Variants in HTR7 observed in about 807,000 individuals in gnomAD.
The protein encoded by HTR7 is 5-hydroxytryptamine receptor 7, also known as 5-HT-7.
In HTR7, 16 loss-of-function variants were observed where a neutral mutation model predicts 34.0. That is an observed-to-expected ratio of 0.47 (90% CI 0.32 to 0.71). The LOEUF is 0.71. Among genes scored for constraint, HTR7 ranks in the 30% least tolerant of loss-of-function variants. The pLI, the probability that HTR7 is intolerant of heterozygous loss-of-function variation, is 0.04. For missense variants in HTR7, 504 were observed against 625.5 expected, an observed-to-expected ratio of 0.81 and a Z score of 2.07; for synonymous variants, 265 against 260.2, an observed-to-expected ratio of 1.02 and a Z score of -0.18.
At chr10:90,845,228 A>AGG (rs1480426164) in intron 1 of HTR7, among the ~76,000 whole-genome samples, 10 of 152,326 alleles carry the variant, frequency 6.6e-5, no homozygotes, top group African/African-American at 2.4e-4. Flanking sequence ...CGGAAGTAAG[A>AGG]GCACTATTTC....
At chr10:90,836,675 A>ATT (rs796292567) in intron 1 of HTR7, among the ~76,000 whole-genome samples, 1 of 142,944 alleles carries the variant, frequency 7.0e-6, no homozygotes, top group Non-Finnish European at 1.5e-5. Context: ...CCACACCAGA[A>ATT]TTTTTTTTTT....
chr10:90,845,685 T>A (rs1300173303), intron 1 of HTR7, among the ~76,000 whole-genome samples: 3 of 152,202 alleles, frequency 2.0e-5, no homozygotes, highest in Non-Finnish European at 2.9e-5. Flanking sequence ...CCAGTGACAC[T>A]CTCACAATGA....
chr10:90,784,041 C>T (rs1845346602), intron 1 of HTR7, among the ~76,000 whole-genome samples: 1 of 152,202 alleles, frequency 6.6e-6, no homozygotes, highest in African/African-American at 2.4e-5. Context: ...TACATTCTTA[C>T]TAAAACAAGT....
rs187994384 is a variant in HTR7 at position 90,758,209 on chromosome 10, G to C, written c.540-8615C>G. ...AAAATACAAAAATTAGCTGGGCGTGGTGGCGCTGGCCTGTAGTCCCAGCTA... is the reference window on the plus strand; with the variant it reads ...AAAATACAAAAATTAGCTGGGCGTGCTGGCGCTGGCCTGTAGTCCCAGCTA... On this transcript the variant is annotated intron_variant, in intron 1 of 3. Transcript: ENST00000336152. 1.5e-4 allele frequency among the ~76,000 whole-genome samples: 23 copies of C among 152,028 alleles called. 1 individual carries two copies. In the East Asian group the frequency reaches 4.4e-3, roughly 29 times the overall value.
chr10:90,826,408 A>G (rs1453481037), intron 1 of HTR7, among the ~76,000 whole-genome samples: 3 of 152,246 alleles, frequency 2.0e-5, no homozygotes, highest in Non-Finnish European at 4.4e-5. Flanking sequence ...ATCTGAAGGT[A>G]TAAAACTCAC....
intron 1 of HTR7, among the ~76,000 whole-genome samples, chr10:90,827,669 G>T (rs1290860089): frequency 1.3e-5 from 2 of 152,174 alleles, no homozygotes; most frequent in African/African-American, 4.8e-5. Context: ...GGTCAATTCT[G>T]CAAGAGGATA....
intron 1 of HTR7, among the ~76,000 whole-genome samples, chr10:90,852,240 G>A (rs557767772): frequency 1.2e-4 from 17 of 147,138 alleles, no homozygotes; most frequent in African/African-American, 4.4e-4. Flanking sequence ...AAATAATAAT[G>A]CTAATAGGCA....
At chr10:90,794,779 G>A (rs1010208122) in intron 1 of HTR7, among the ~76,000 whole-genome samples, 3 of 152,072 alleles carry the variant, frequency 2.0e-5, no homozygotes, top group Non-Finnish European at 4.4e-5. Context: ...CTGAGAACAG[G>A]CATGAACCAC....
At chr10:90,806,111 T>C (rs767583533) in intron 1 of HTR7, among the ~76,000 whole-genome samples, 63 of 152,246 alleles carry the variant, frequency 4.1e-4, no homozygotes, top group Non-Finnish European at 7.4e-4. Flanking sequence ...ATAAATAACA[T>C]GAGGATGTGG....
rs78624226 is a variant in HTR7, at chr10:90,749,771, C to T, written c.540-177G>A. Among the ~76,000 whole-genome samples the T allele has an allele frequency of 0.035, 5,275 of 152,240 alleles. 270 individuals carry two copies. Among genetic ancestry groups the T allele is most frequent in the African/African-American group, 0.11 (4,591 of 41,506 alleles). ...CTCTGAGATGTTACCTATTTTATTCCGGGTCACACAGAGGCATTGCCAGAT... is the reference window on the plus strand; with the variant it reads ...CTCTGAGATGTTACCTATTTTATTCTGGGTCACACAGAGGCATTGCCAGAT... On this transcript the variant is annotated intron_variant, in intron 1 of 3. Coordinates refer to ENST00000336152, the MANE Select transcript of HTR7 (RefSeq NM_019859.4). This position sits in a 1 kb window ranked among gnomAD's most constrained non-coding sequence, Gnocchi z 4.2.
At chr10:90,780,071 C>G (rs1365604393) in intron 1 of HTR7, among the ~76,000 whole-genome samples, 1 of 152,138 alleles carries the variant, frequency 6.6e-6, no homozygotes, top group Non-Finnish European at 1.5e-5. Flanking sequence ...ATAAGTGTAT[C>G]ACTTGTCCTT....
intron 1 of HTR7, among the ~76,000 whole-genome samples, chr10:90,845,671 T>C (rs543289518): frequency 5.9e-5 from 9 of 152,346 alleles, no homozygotes; most frequent in African/African-American, 2.2e-4. Flanking sequence ...CAAAGAAGCA[T>C]GACCCAGTGA....
chr10:90,847,194 A>C (rs1014527605), intron 1 of HTR7, among the ~76,000 whole-genome samples: 5 of 152,092 alleles, frequency 3.3e-5, no homozygotes, highest in Non-Finnish European at 7.4e-5. Flanking sequence ...TCCTACATCA[A>C]GTGGGGATAC....
At chr10:90,820,335 G>GA (rs560066354) in intron 1 of HTR7, among the ~76,000 whole-genome samples, 96 of 152,292 alleles carry the variant, frequency 6.3e-4, no homozygotes, top group Non-Finnish European at 8.8e-5. Flanking sequence ...GTAGGGACGA[G>GA]AAAGAAGAAT....
chr10:90,790,897 G>A (rs895574472), intron 1 of HTR7, among the ~76,000 whole-genome samples: 8 of 152,120 alleles, frequency 5.3e-5, no homozygotes, highest in African/African-American at 1.9e-4. Flanking sequence ...TTAGACTGAT[G>A]TGACTACAAC....
At chr10:90,767,804 T>C (rs1396216236) in intron 1 of HTR7, among the ~76,000 whole-genome samples, 1 of 152,100 alleles carries the variant, frequency 6.6e-6, no homozygotes, top group African/African-American at 2.4e-5. Flanking sequence ...CTAGGCTTCC[T>C]CAGAGCACGA....
At chr10:90,839,567 G>T (rs1358942572) in intron 1 of HTR7, among the ~76,000 whole-genome samples, 2 of 152,196 alleles carry the variant, frequency 1.3e-5, no homozygotes, top group East Asian at 3.8e-4. Flanking sequence ...CAGAGGCCAT[G>T]ATGAAAGTGA....
At chr10:90,782,617 G>GATAA (rs113053909) in intron 1 of HTR7, among the ~76,000 whole-genome samples, 2,586 of 152,080 alleles carry the variant, frequency 0.017, 84 homozygotes, top group African/African-American at 0.058. Context: ...AAGGCATTCT[G>GATAA]ATAAATAAAT....
At chr10:90,833,970 A>G (rs1165366583) in intron 1 of HTR7, among the ~76,000 whole-genome samples, 1 of 152,232 alleles carries the variant, frequency 6.6e-6, no homozygotes, top group African/African-American at 2.4e-5. Flanking sequence ...TCCTATTTTG[A>G]AAAAACTTGG....
Sources: allele counts gnomAD v4.1 joint callset (sites outside exome capture counted in the v4.1 genomes callset), GRCh38; gene constraint gnomAD v4.1.1; non-coding constraint Gnocchi (gnomAD v3.1); transcripts MANE v1.5; gene names NCBI Gene and HGNC (gene_info 2026-07-23, HGNC 2026-07-21).